VPS13B: variants seen among roughly 807,000 people sequenced by gnomAD.
The protein encoded by VPS13B is vacuolar protein sorting 13 homolog B.
A neutral mutation model predicts 426.4 loss-of-function variants in VPS13B; 285 were observed. The ratio of observed to expected loss-of-function variants is 0.67; its 90% CI spans 0.61 to 0.74. The LOEUF is 0.74. Among genes scored for constraint, VPS13B ranks in the 30% least tolerant of loss-of-function variants. The probability of loss-of-function intolerance (pLI) is 0.00; values close to 1 mark genes in which losing one functional copy is unlikely to be tolerated. For synonymous variants in VPS13B, 1,676 were observed against 1,676.4 expected, an observed-to-expected ratio of 1.00 and a Z score of 0.01; for missense variants, 4,537 against 4,782.6, an observed-to-expected ratio of 0.95 and a Z score of 1.51.
chr8:99,802,434 A>G (rs573894541), intron 43 of VPS13B, among the ~76,000 whole-genome samples: 23 of 152,288 alleles, frequency 1.5e-4, no homozygotes, highest in African/African-American at 5.5e-4. Context: ...TGACCTCTGT[A>G]TGCATCCTAT....
intron 19 of VPS13B, among the ~76,000 whole-genome samples, chr8:99,305,541 T>C (rs1820591896): frequency 6.6e-6 from 1 of 152,146 alleles, no homozygotes; most frequent in Admixed American, 6.6e-5. Context: ...ACTGTGTCTT[T>C]ATTAAAGCAC....
At chr8:99,240,545 TTAAGTA>T (rs1391893030) in intron 17 of VPS13B, among the ~76,000 whole-genome samples, 1 of 152,208 alleles carries the variant, frequency 6.6e-6, no homozygotes, top group Non-Finnish European at 1.5e-5. Flanking sequence ...GGTAAATATT[TTAAGTA>T]TATGTACTCA....
chr8:99,770,673 C>T (rs917310874), intron 40 of VPS13B, among the ~76,000 whole-genome samples: 1 of 152,132 alleles, frequency 6.6e-6, no homozygotes, highest in African/African-American at 2.4e-5. Flanking sequence ...GCAAAGGAAC[C>T]GGGAAAATAC....
rs1445366135 is a variant in VPS13B, at chr8:99,859,312, G to T, written c.10876G>T (p.Val3626Phe). The T allele has an allele frequency of 6.2e-7, 1 of 1,613,700 alleles. No homozygotes were observed. Among genetic ancestry groups the T allele is most frequent in the Non-Finnish European group, 8.5e-7 (1 of 1,179,940 alleles). ...CCTCTTGTGCGTTGCAGGCTGGGTAGTTGGGTCTCTGGATATTCTTGGCAG... is the reference window on the plus strand; with the variant it reads ...CCTCTTGTGCGTTGCAGGCTGGGTATTTGGGTCTCTGGATATTCTTGGCAG... ...AGALFRAGWV[V>F]GSLDILGSPA... The change falls in exon 57 of 62, where the codon GTT becomes TTT. Residue 3626 changes from valine (V) to phenylalanine (F), a missense_variant. By Grantham distance (50) the Val-to-Phe change is conservative. This residue lies in a region of VPS13B where 4,311 missense variants were observed against 4,474.3 expected (regional missense o/e 0.96). Transcript: ENST00000357162.
chr8:99,706,665 A>G (rs540626491), intron 36 of VPS13B, among the ~76,000 whole-genome samples: 2 of 152,208 alleles, frequency 1.3e-5, no homozygotes, highest in East Asian at 3.9e-4. Context: ...GCCTCAGGGT[A>G]TTTGTTTTAG....
intron 3 of VPS13B, among the ~76,000 whole-genome samples, chr8:99,040,461 C>A (rs1426145175): frequency 6.6e-6 from 1 of 152,088 alleles, no homozygotes; most frequent in East Asian, 1.9e-4. Flanking sequence ...GACATTTGGA[C>A]AAATTATTTA....
chr8:99,257,385 G>T (rs932809789), intron 17 of VPS13B, among the ~76,000 whole-genome samples: 6 of 152,134 alleles, frequency 3.9e-5, no homozygotes, highest in Non-Finnish European at 5.9e-5. Flanking sequence ...TAGGTAATTA[G>T]CCTTGTAGGA....
intron 23 of VPS13B, among the ~76,000 whole-genome samples, chr8:99,454,773 GT>G (rs1818364960): frequency 6.6e-6 from 1 of 152,168 alleles, no homozygotes; most frequent in Admixed American, 6.5e-5. Flanking sequence ...GGGAATCCCT[GT>G]TGTTCCACAT....
At chr8:99,430,418 T>C (rs1817027016) in intron 21 of VPS13B, among the ~76,000 whole-genome samples, 1 of 152,182 alleles carries the variant, frequency 6.6e-6, no homozygotes, top group South Asian at 2.1e-4. Context: ...GTACCTAAAA[T>C]ACTACATATA....
chr8:99,402,634 C>T (rs1815100054), intron 21 of VPS13B, among the ~76,000 whole-genome samples: 1 of 152,080 alleles, frequency 6.6e-6, no homozygotes, highest in Non-Finnish European at 1.5e-5. Flanking sequence ...AGTCTTTCCT[C>T]CTTCTGATCA....
intron 33 of VPS13B, among the ~76,000 whole-genome samples, chr8:99,639,058 T>C (rs904771497): frequency 1.3e-5 from 2 of 152,186 alleles, no homozygotes; most frequent in African/African-American, 4.8e-5. Context: ...GGCACTGTGC[T>C]GTTCATTCAG....
At chr8:99,213,378 A>C (rs1260214326) in intron 17 of VPS13B, among the ~76,000 whole-genome samples, 9 of 152,168 alleles carry the variant, frequency 5.9e-5, no homozygotes, top group African/African-American at 2.2e-4. Context: ...TTTCCATGTC[A>C]AAAATTATAG....
intron 33 of VPS13B, among the ~76,000 whole-genome samples, chr8:99,639,169 G>C (rs1829197293): frequency 6.6e-6 from 1 of 152,120 alleles, no homozygotes; most frequent in African/African-American, 2.4e-5. Flanking sequence ...TACAATTAGA[G>C]AGTGTTGGAC....
Position 99,861,864 on chromosome 8 carries a change from G to T in VPS13B, c.11133G>T (p.Gln3711His). 1 of 1,602,482 alleles carries T rather than the reference G, an allele frequency of 6.2e-7. No homozygotes were observed. Residue 3711 changes from glutamine to histidine, a missense_variant, in exon 58 of 62, where the codon CAG (glutamine) becomes CAT (histidine). Around this residue, in one of 2 missense-constraint regions of VPS13B, gnomAD observed 4,311 missense variants for 4,474.3 expected, o/e 0.96. Coordinates refer to ENST00000357162, the MANE Select transcript of VPS13B (RefSeq NM_152564.5). Reference sequence around the variant, plus strand: ...TGGATGAGGAGCACTACAACCGGCAGGAGGAGTGGCGGCGGCAGCTCCCCG... The same window carrying T: ...TGGATGAGGAGCACTACAACCGGCATGAGGAGTGGCGGCGGCAGCTCCCCG... ...LSLDEEHYNR[Q>H]EEWRRQLPES...
intron 21 of VPS13B, among the ~76,000 whole-genome samples, chr8:99,415,370 G>A (rs1057488719): frequency 6.6e-6 from 1 of 151,794 alleles, no homozygotes; most frequent in African/African-American, 2.4e-5. Flanking sequence ...TGCTCCTTTA[G>A]CTCGGAGGAG....
chr8:99,739,483 C>T lies in VPS13B; in HGVS notation c.7050+18436C>T, dbSNP rs150912742. Among the ~76,000 whole-genome samples the T allele has an allele frequency of 3.0e-3, 459 of 152,328 alleles. 3 individuals are homozygous for T. Among genetic ancestry groups the T allele is most frequent in the African/African-American group, 0.01 (418 of 41,572 alleles). On this transcript the variant is annotated intron_variant, in intron 39 of 61. Coordinates refer to ENST00000357162, the MANE Select transcript of VPS13B (RefSeq NM_152564.5). ...CAGCTTTGAAGAGAGTAGTGGTTCT[C>T]CCTGCACACAGCCAGATATCTGAGA...
intron 39 of VPS13B, among the ~76,000 whole-genome samples, chr8:99,730,768 C>CCTGTAGGTACAGGTACAGGTAT (rs1833566554): frequency 6.6e-6 from 1 of 150,606 alleles, no homozygotes; most frequent in Non-Finnish European, 1.5e-5. Context: ...GGTACAGGTA[C>CCTGTAGGTACAGGTACAGGTAT]CTCCTGAAGG....
intron 33 of VPS13B, among the ~76,000 whole-genome samples, chr8:99,633,086 T>G (rs1275716645): frequency 1.3e-5 from 2 of 152,046 alleles, no homozygotes; most frequent in Non-Finnish European, 1.5e-5. Flanking sequence ...TTGTACTGAA[T>G]ATTGGGGGTA....
intron 43 of VPS13B, among the ~76,000 whole-genome samples, chr8:99,807,037 T>C (rs558814568): frequency 4.5e-4 from 69 of 152,330 alleles, no homozygotes; most frequent in African/African-American, 1.6e-3. Flanking sequence ...TATTTAGATG[T>C]TTTTTAACAG....
Sources: allele counts gnomAD v4.1 joint callset (sites outside exome capture counted in the v4.1 genomes callset), GRCh38; gene constraint gnomAD v4.1.1; regional missense constraint gnomAD v4.1.1; transcripts MANE v1.5; gene names NCBI Gene and HGNC (gene_info 2026-07-23, HGNC 2026-07-21).